The following PRKCH variants were observed in gnomAD, a reference collection of about 807,000 sequenced individuals.
The protein encoded by PRKCH is protein kinase C eta type.
In PRKCH, 28 loss-of-function variants were observed where a neutral mutation model predicts 82.5. The ratio of observed to expected loss-of-function variants is 0.34; its 90% confidence interval spans 0.25 to 0.47. The LOEUF (loss-of-function observed/expected upper bound fraction) is 0.47, where lower values mean the gene tolerates loss of function less well. PRKCH is among the 20% of genes least tolerant of loss of function. The pLI, the probability that PRKCH is intolerant of heterozygous loss-of-function variation, is 1.00. For missense variants in PRKCH, 705 were observed against 881.8 expected, an observed-to-expected ratio of 0.80 and a Z score of 2.54; for synonymous variants, 322 against 327.4, an observed-to-expected ratio of 0.98 and a Z score of 0.18.
intron 1 of PRKCH, among the ~76,000 whole-genome samples, chr14:61,262,084 A>G (rs1371914325): frequency 2.0e-5 from 3 of 151,778 alleles, no homozygotes; most frequent in African/African-American, 7.3e-5. Flanking sequence ...AGCTGGGCGT[A>G]GTGGTGGGCA....
chr14:61,244,467 G>C (rs1018362189), intron 1 of PRKCH, among the ~76,000 whole-genome samples: 1 of 152,166 alleles, frequency 6.6e-6, no homozygotes, highest in African/African-American at 2.4e-5. Context: ...AACCTACCCT[G>C]CTCTATCATC....
chr14:61,488,465 A>T (rs949069341), intron 10 of PRKCH, among the ~76,000 whole-genome samples: 1 of 152,250 alleles, frequency 6.6e-6, no homozygotes, highest in Non-Finnish European at 1.5e-5. Context: ...AGGTCTTCCA[A>T]AGACTTCATC....
chr14:61,503,689 T>A (rs1471174439), intron 10 of PRKCH, among the ~76,000 whole-genome samples: 1 of 152,174 alleles, frequency 6.6e-6, no homozygotes, highest in Non-Finnish European at 1.5e-5. Flanking sequence ...TAATCTTTGT[T>A]CTGTGGCACT....
At chr14:61,393,868 T>C (rs1416112636) in intron 2 of PRKCH, among the ~76,000 whole-genome samples, 1 of 152,266 alleles carries the variant, frequency 6.6e-6, no homozygotes, top group Non-Finnish European at 1.5e-5. Flanking sequence ...GGGTCTCACC[T>C]AATGCGGTTT....
At chr14:61,315,753 A>AT (rs3028702) in intron 1 of PRKCH, among the ~76,000 whole-genome samples, 51,007 of 142,936 alleles carry the variant, frequency 0.36, 10,025 homozygotes, top group African/African-American at 0.5. Flanking sequence ...TATTTACTGG[A>AT]TTTTTTTTTT....
chr14:61,251,967 G>A (rs865898592), intron 1 of PRKCH, among the ~76,000 whole-genome samples: 3 of 152,010 alleles, frequency 2.0e-5, no homozygotes, highest in African/African-American at 7.3e-5. Context: ...AGCCTCCTGA[G>A]TAGCTGGGAT....
intron 11 of PRKCH, 128 bp downstream of exon 11, chr14:61,529,341 C>T (rs983940937): frequency 1.0e-5 from 11 of 1,103,212 alleles, no homozygotes; most frequent in Non-Finnish European, 1.2e-5. Context: ...GAGCCGACAC[C>T]TCTAGACTCA....
chr14:61,191,251 C>G (rs1232028140), intron 1 of PRKCH, among the ~76,000 whole-genome samples: 2 of 152,192 alleles, frequency 1.3e-5, no homozygotes, highest in African/African-American at 4.8e-5. Flanking sequence ...CTATGACAAT[C>G]TCCTATGTAT....
At chr14:61,341,594 G>A (rs1488499773) in intron 1 of PRKCH, among the ~76,000 whole-genome samples, 2 of 152,140 alleles carry the variant, frequency 1.3e-5, no homozygotes, top group Non-Finnish European at 2.9e-5. Flanking sequence ...TTTCATCATA[G>A]GGTAGTTGAG....
At chr14:61,252,144 C>T (rs1026859811) in intron 1 of PRKCH, among the ~76,000 whole-genome samples, 1 of 152,120 alleles carries the variant, frequency 6.6e-6, no homozygotes, top group South Asian at 2.1e-4. Context: ...AGCCGAGGGT[C>T]TTATTTTTAA....
chr14:61,280,806 C>A lies in PRKCH; in HGVS notation c.-19+93138C>A. On this transcript the variant is annotated intron_variant, in intron 1 of 3. Coordinates refer to the PRKCH transcript ENST00000555185. This position sits in a 1 kb window ranked among gnomAD's most constrained non-coding sequence, Gnocchi z 5.0. ...GCCGGTTGTTCTGGTAGAAGTTGGTCAGCTCGTAGTAGAGGTACACTGGGC... is the reference window on the plus strand; with the variant it reads ...GCCGGTTGTTCTGGTAGAAGTTGGTAAGCTCGTAGTAGAGGTACACTGGGC... The A allele has an allele frequency of 6.4e-7, 1 of 1,561,722 alleles. No individual in the cohort carries two copies. The highest frequency in any genetic ancestry group is 8.6e-7 in the Non-Finnish European group (1 of 1,162,904).
intron 2 of PRKCH, among the ~76,000 whole-genome samples, chr14:61,403,704 C>T (rs1283591505): frequency 2.0e-5 from 3 of 152,184 alleles, no homozygotes; most frequent in Non-Finnish European, 4.4e-5. Context: ...ACCTCAAAAA[C>T]AGCTCAAGAT....
chr14:61,363,918 A>T (rs1188102210), intron 1 of PRKCH, among the ~76,000 whole-genome samples: 1 of 150,364 alleles, frequency 6.7e-6, no homozygotes, highest in Non-Finnish European at 1.5e-5. Context: ...AAAATTTTTT[A>T]CATATATATG....
At chr14:61,252,882 C>T (rs1167935434) in intron 1 of PRKCH, among the ~76,000 whole-genome samples, 4 of 152,178 alleles carry the variant, frequency 2.6e-5, no homozygotes, top group African/African-American at 9.7e-5. Context: ...TTTCTTCATT[C>T]TGCAGCCTGA....
At chr14:61,300,976 GC>G (rs2045443572) in intron 1 of PRKCH, among the ~76,000 whole-genome samples, 1 of 152,028 alleles carries the variant, frequency 6.6e-6, no homozygotes, top group Non-Finnish European at 1.5e-5. Context: ...CGATCTTTGG[GC>G]CCTATGTAAA....
At chr14:61,451,698 A>T (rs1884515825) in intron 6 of PRKCH, among the ~76,000 whole-genome samples, 2 of 152,144 alleles carry the variant, frequency 1.3e-5, no homozygotes, top group South Asian at 2.1e-4. Flanking sequence ...TGGAAATGTA[A>T]TGATCTGACT....
chr14:61,218,914 C>T (rs1425145855), intron 1 of PRKCH, among the ~76,000 whole-genome samples: 21 of 152,198 alleles, frequency 1.4e-4, no homozygotes, highest in African/African-American at 4.3e-4. Flanking sequence ...AAACCTATCC[C>T]CCGACTGCCC....
Position 61,411,515 on chromosome 14 carries a change from A to G in PRKCH, c.427+20227A>G, listed in dbSNP as rs149326156. 3.2e-3 allele frequency among the ~76,000 whole-genome samples: 490 copies of G among 152,382 alleles called. 2 individuals carry two copies. Among genetic ancestry groups the G allele is most frequent in the African/African-American group, 0.011 (464 of 41,590 alleles). On this transcript the variant is annotated intron_variant, in intron 2 of 13. Coordinates refer to ENST00000332981, the MANE Select transcript of PRKCH (RefSeq NM_006255.5). ...AAATATGGACAAAATAAATGAAACA[A>G]TGATTTGTAAGACACTGGATACATC...
At chr14:61,396,081 G>GAAAAAAAAA (rs34478520) in intron 2 of PRKCH, among the ~76,000 whole-genome samples, 1 of 120,562 alleles carries the variant, frequency 8.3e-6, no homozygotes, top group Non-Finnish European at 1.7e-5. Context: ...CCTTGTTTCA[G>GAAAAAAAAA]AAAAAAAAAA....
Sources: allele counts gnomAD v4.1 joint callset (sites outside exome capture counted in the v4.1 genomes callset), GRCh38; gene constraint gnomAD v4.1.1; non-coding constraint Gnocchi (gnomAD v3.1); transcripts MANE v1.5; gene names NCBI Gene and HGNC (gene_info 2026-07-23, HGNC 2026-07-21).